APP: variants seen among roughly 807,000 people sequenced by gnomAD.
APP encodes the protein amyloid beta precursor protein.
In APP, 31 loss-of-function variants were observed where a neutral mutation model predicts 101.4. The observed-to-expected ratio is 0.31, with a 90% confidence interval of 0.23 to 0.41. The LOEUF (loss-of-function observed/expected upper bound fraction) is 0.41, where lower values mean the gene tolerates loss of function less well. Among genes scored for constraint, APP ranks in the 10% least tolerant of loss-of-function variants. The pLI is 1.00. For missense variants in APP, 839 were observed against 1,003.7 expected, an observed-to-expected ratio of 0.84 and a Z score of 2.22; for synonymous variants, 366 against 364.4, an observed-to-expected ratio of 1.00 and a Z score of -0.05.
chr21:25,979,607 T>C (rs2042348982), intron 9 of APP, among the ~76,000 whole-genome samples: 1 of 152,200 alleles, frequency 6.6e-6, no homozygotes, highest in African/African-American at 2.4e-5. Flanking sequence ...ATATCAGATA[T>C]ATCTGATGAC....
At chr21:25,995,423 T>C (rs1177195514) in intron 8 of APP, among the ~76,000 whole-genome samples, 1 of 136,404 alleles carries the variant, frequency 7.3e-6, no homozygotes, top group Non-Finnish European at 1.6e-5. Flanking sequence ...TCAGAACCAA[T>C]GCTTAGCCAT....
intron 13 of APP, among the ~76,000 whole-genome samples, chr21:25,918,709 A>G (rs2039482894): frequency 6.6e-6 from 1 of 151,576 alleles, no homozygotes; most frequent in Admixed American, 6.7e-5. Context: ...ACTATATCCC[A>G]CACCTGGCTC....
intron 11 of APP, among the ~76,000 whole-genome samples, chr21:25,963,151 G>A (rs1277070495): frequency 1.3e-5 from 2 of 152,074 alleles, no homozygotes; most frequent in Non-Finnish European, 2.9e-5. Flanking sequence ...TTTCTTAGAC[G>A]TATTTACTTT....
chr21:26,035,221 C>G (rs1284132379), intron 5 of APP, among the ~76,000 whole-genome samples: 3 of 152,172 alleles, frequency 2.0e-5, no homozygotes, highest in Non-Finnish European at 4.4e-5. Flanking sequence ...GAGCCATGAT[C>G]ATGCCACTGC....
chr21:25,997,397 C>A lies in APP; in HGVS notation c.1053G>T (p.Lys351Asn). 6.2e-7 allele frequency: 1 copy of A among 1,613,498 alleles called. No homozygotes were observed. The highest frequency in any genetic ancestry group is 8.5e-7 in the Non-Finnish European group (1 of 1,179,550). Residue 351 changes from lysine to asparagine, a missense_variant, in exon 8 of 18, where the codon AAG (lysine) becomes AAT (asparagine). By Grantham distance (94) the Lys-to-Asn change is moderately conservative. Transcript: ENST00000346798. ...CGSAMSQSLL[K>N]TTQEPLARDP... ...CTCGGGCAAGAGGTTCCTGGGTAGT[C>A]TTGAGTAAACTTTGGGACACTATGG...
rs1318392895 is a variant in APP at position 25,954,481 on chromosome 21, A to G, written c.1687+109T>C. The G allele has an allele frequency of 4.1e-6, 4 of 981,348 alleles. No homozygotes were observed. In the East Asian group the frequency reaches 1.0e-4, roughly 26 times the overall value. The allele number at this position is 981,348 out of a possible 1,614,324, so 60.8% of individuals were successfully genotyped here. A position where few individuals can be genotyped will look rare whatever the true frequency, so the allele number is the denominator to read the frequency against. On this transcript the variant is annotated intron_variant, in intron 13 of 17. Transcript: ENST00000346798. ...CCTGACAGTTTCATCGTAAAAGGCA[A>G]GCTGTTCTATTAACTTCCATATTCC...
In APP at chr21:26,051,392, T is replaced by TAA. The variant is rs10689684; in HGVS notation, c.469-200_469-199insTT. Among the ~76,000 whole-genome samples the TAA allele has an allele frequency of 0.7, 105,883 of 151,852 alleles. 37,360 individuals are homozygous for TAA. Among genetic ancestry groups the TAA allele is most frequent in the East Asian group, 0.85 (4,403 of 5,164 alleles). On this transcript the variant is annotated intron_variant, in intron 4 of 17. Coordinates refer to ENST00000346798, the MANE Select transcript of APP (RefSeq NM_000484.4). ...TACACTTTGGTACTCTTTTTATTCT[T>TAA]GTTTATTATTTATTTAATAAGACCA...
At chr21:26,031,342 G>A (rs1454575553) in intron 5 of APP, among the ~76,000 whole-genome samples, 1 of 152,176 alleles carries the variant, frequency 6.6e-6, no homozygotes, top group Non-Finnish European at 1.5e-5. Flanking sequence ...TTAGAAAGAA[G>A]AGAGAAGCTG....
At chr21:25,938,977 C>T (rs989902832) in intron 13 of APP, among the ~76,000 whole-genome samples, 1 of 152,142 alleles carries the variant, frequency 6.6e-6, no homozygotes, top group Non-Finnish European at 1.5e-5. Flanking sequence ...CTCTAATATA[C>T]CTATTTTTCT....
At chr21:25,889,588 C>G (rs1419868144) in intron 17 of APP, among the ~76,000 whole-genome samples, 1 of 152,194 alleles carries the variant, frequency 6.6e-6, no homozygotes, top group East Asian at 1.9e-4. Flanking sequence ...TGCCTGTAAT[C>G]CCAGCACCTT....
At position 26,097,699 on chromosome 21, in the gene APP, T is replaced by C. The variant is rs191422493; in HGVS notation, c.226-7627A>G. 9.5e-4 allele frequency among the ~76,000 whole-genome samples: 144 copies of C among 152,316 alleles called. 2 individuals carry two copies. Among genetic ancestry groups the C allele is most frequent in the Non-Finnish European group, 6.5e-4 (44 of 68,020 alleles). ...GGGCTAATGGGGCCCATTCAGTTAG[T>C]ACAGGAGTCTGAAAAGCAGCCTACC... On this transcript the variant is annotated intron_variant, in intron 2 of 17. Coordinates refer to ENST00000346798, the MANE Select transcript of APP (RefSeq NM_000484.4).
At chr21:25,936,503 A>G (rs2040370368) in intron 13 of APP, among the ~76,000 whole-genome samples, 1 of 152,242 alleles carries the variant, frequency 6.6e-6, no homozygotes, top group Non-Finnish European at 1.5e-5. Flanking sequence ...AGATCGTGCC[A>G]TTGCACTCCA....
chr21:26,150,531 C>G (rs2063244552), intron 1 of APP, among the ~76,000 whole-genome samples: 2 of 152,204 alleles, frequency 1.3e-5, no homozygotes, highest in Admixed American at 1.3e-4. Context: ...CTATCCAGCT[C>G]CTCACTGGCT....
intron 5 of APP, among the ~76,000 whole-genome samples, chr21:26,043,064 C>T (rs1237635677): frequency 6.8e-6 from 1 of 146,308 alleles, no homozygotes; most frequent in Non-Finnish European, 1.5e-5. Context: ...ATATTTCATA[C>T]TTCATCTTTT....
At chr21:26,107,962 G>GATGTAT (rs908112198) in intron 2 of APP, among the ~76,000 whole-genome samples, 21 of 152,288 alleles carry the variant, frequency 1.4e-4, no homozygotes, top group Middle Eastern at 3.4e-3. Flanking sequence ...TTTAATGAAA[G>GATGTAT]ATGTATTTAA....
chr21:26,057,666 C>T (rs1376852494), intron 3 of APP, among the ~76,000 whole-genome samples: 1 of 152,138 alleles, frequency 6.6e-6, no homozygotes, highest in Non-Finnish European at 1.5e-5. Context: ...GCTCAAATTA[C>T]CTCATTTTGC....
At chr21:26,138,197 C>T (rs928115182) in intron 1 of APP, among the ~76,000 whole-genome samples, 16 of 151,922 alleles carry the variant, frequency 1.1e-4, no homozygotes, top group African/African-American at 3.6e-4. Flanking sequence ...TAAAATGCTT[C>T]AGAAAAGAAA....
chr21:26,140,326 G>T, intron 1 of APP: 1 of 1,526,030 alleles, frequency 6.6e-7, no homozygotes, highest in Non-Finnish European at 8.8e-7. Flanking sequence ...ATCCTCGGGA[G>T]GGTGAGTCAA....
chr21:26,064,279 G>A (rs947211520), intron 3 of APP, among the ~76,000 whole-genome samples: 2 of 152,086 alleles, frequency 1.3e-5, no homozygotes, highest in Non-Finnish European at 2.9e-5. Flanking sequence ...ATCAAAATTG[G>A]TTTACTGACT....
Sources: allele counts gnomAD v4.1 joint callset (sites outside exome capture counted in the v4.1 genomes callset), GRCh38; gene constraint gnomAD v4.1.1; transcripts MANE v1.5; gene names NCBI Gene and HGNC (gene_info 2026-07-23, HGNC 2026-07-21).